The following EXOC4 variants were observed in gnomAD, a reference collection of about 807,000 sequenced individuals.
EXOC4 encodes the protein SEC8-like 1.
A neutral mutation model predicts 107.2 loss-of-function variants in EXOC4; 71 were observed. That is an observed-to-expected ratio of 0.66 (90% CI 0.55 to 0.81). The LOEUF (loss-of-function observed/expected upper bound fraction) is 0.81. Ranked by LOEUF, EXOC4 falls within the 30% of genes least tolerant of loss-of-function variation. The pLI is 0.00. For synonymous variants in EXOC4, 456 were observed against 441.2 expected, an observed-to-expected ratio of 1.03 and a Z score of -0.42; for missense variants, 1,108 against 1,189.6, an observed-to-expected ratio of 0.93 and a Z score of 1.01.
chr7:133,520,835 G>A (rs1242420045), intron 9 of EXOC4, among the ~76,000 whole-genome samples: 1 of 151,898 alleles, frequency 6.6e-6, no homozygotes, highest in Non-Finnish European at 1.5e-5. Context: ...CAACAGCTCA[G>A]TAAAAGAGTG....
intron 10 of EXOC4, among the ~76,000 whole-genome samples, chr7:133,713,007 A>G (rs1164212683): frequency 6.6e-6 from 1 of 152,250 alleles, no homozygotes; most frequent in Admixed American, 6.5e-5. Flanking sequence ...CTTTGGAGTG[A>G]CGGAAATGTT....
intron 10 of EXOC4, among the ~76,000 whole-genome samples, chr7:133,782,215 G>A (rs1344947798): frequency 1.3e-5 from 2 of 152,166 alleles, no homozygotes; most frequent in Non-Finnish European, 2.9e-5. Context: ...ATTAGGAAAT[G>A]TTGTATTTAT....
In EXOC4 at chr7:133,942,578, G is replaced by A. The variant is rs372717910; in HGVS notation, c.2206+4509G>A. ...CTAACTCAGTCATTTTGCATATGAGGAAATTAAGGTCTCAGGGTGGTTATA... is the reference window on the plus strand; with the variant it reads ...CTAACTCAGTCATTTTGCATATGAGAAAATTAAGGTCTCAGGGTGGTTATA... On this transcript the variant is annotated intron_variant, in intron 14 of 17. Transcript: ENST00000253861. 2.1e-3 allele frequency among the ~76,000 whole-genome samples: 316 copies of A among 152,204 alleles called. 2 individuals carry two copies. The highest frequency in any genetic ancestry group is 7.5e-3 in the African/African-American group (310 of 41,542).
chr7:133,418,788 C>CT lies in EXOC4; in HGVS notation c.1182+43787dup, dbSNP rs1190906063. Among the ~76,000 whole-genome samples the CT allele has an allele frequency of 3.3e-5, 5 of 152,306 alleles. 1 individual carries two copies. Among genetic ancestry groups the CT allele is most frequent in the Admixed American group, 3.3e-4 (5 of 15,296 alleles). On this transcript the variant is annotated intron_variant, in intron 7 of 17. Coordinates refer to ENST00000253861, the MANE Select transcript of EXOC4 (RefSeq NM_021807.4). ...TATAAGATGAATTGGTGCATATCCTCTGACGCTGGGAGACCATTGTAATTG... is the reference window on the plus strand; with the variant it reads ...TATAAGATGAATTGGTGCATATCCTCTTGACGCTGGGAGACCATTGTAATTG...
intron 1 of EXOC4, among the ~76,000 whole-genome samples, chr7:133,271,153 T>C (rs752171675): frequency 6.6e-6 from 1 of 151,956 alleles, no homozygotes; most frequent in Non-Finnish European, 1.5e-5. Flanking sequence ...CTCCTGACCT[T>C]GTGATCTGCC....
intron 10 of EXOC4, among the ~76,000 whole-genome samples, chr7:133,637,637 GA>G (rs960139673): frequency 6.6e-6 from 1 of 152,090 alleles, no homozygotes; most frequent in Non-Finnish European, 1.5e-5. Context: ...TCAGAATTAT[GA>G]AAAAATATTG....
chr7:133,701,450 T>C (rs1480640559), intron 10 of EXOC4, among the ~76,000 whole-genome samples: 3 of 152,196 alleles, frequency 2.0e-5, no homozygotes, highest in Non-Finnish European at 2.9e-5. Flanking sequence ...GGCCTTGTTA[T>C]GCTGGTTGTT....
At chr7:133,317,645 C>G (rs1426020608) in intron 5 of EXOC4, among the ~76,000 whole-genome samples, 4 of 152,142 alleles carry the variant, frequency 2.6e-5, no homozygotes, top group Admixed American at 2.6e-4. Flanking sequence ...CCAGCTGCAT[C>G]TGTGTTTTGT....
chr7:133,971,570 T>G (rs1387516117), intron 14 of EXOC4, among the ~76,000 whole-genome samples: 1 of 151,952 alleles, frequency 6.6e-6, no homozygotes, highest in African/African-American at 2.4e-5. Flanking sequence ...TGAATTTTCT[T>G]AAGGCAGGAT....
At chr7:133,411,853 G>A (rs997823550) in intron 7 of EXOC4, among the ~76,000 whole-genome samples, 1 of 152,124 alleles carries the variant, frequency 6.6e-6, no homozygotes, top group African/African-American at 2.4e-5. Context: ...CTGTGTCATA[G>A]TGTCAAGTGG....
intron 9 of EXOC4, chr7:133,576,773 GC>G (rs1366626440): frequency 7.8e-7 from 1 of 1,289,328 alleles, no homozygotes; most frequent in African/African-American, 1.5e-5. Flanking sequence ...TAACTGTGAG[GC>G]TTTTACACCC....
intron 13 of EXOC4, among the ~76,000 whole-genome samples, chr7:133,934,621 C>A (rs1187472570): frequency 3.3e-5 from 5 of 152,110 alleles, no homozygotes; most frequent in Non-Finnish European, 1.5e-5. Context: ...TCGCATTCCA[C>A]CTAGGGCTAC....
chr7:133,430,536 G>C (rs1314084613), intron 7 of EXOC4, among the ~76,000 whole-genome samples: 1 of 152,056 alleles, frequency 6.6e-6, no homozygotes, highest in East Asian at 1.9e-4. Flanking sequence ...CATCTGGGTT[G>C]ATTCCATATT....
intron 12 of EXOC4, among the ~76,000 whole-genome samples, chr7:133,915,133 T>C (rs1316155014): frequency 6.6e-6 from 1 of 152,194 alleles, no homozygotes; most frequent in East Asian, 1.9e-4. Flanking sequence ...ATTTCATGAA[T>C]GAGAGGTGAG....
At chr7:133,454,017 C>A (rs1043787499) in intron 7 of EXOC4, among the ~76,000 whole-genome samples, 1 of 152,130 alleles carries the variant, frequency 6.6e-6, no homozygotes, top group Non-Finnish European at 1.5e-5. Flanking sequence ...ATAATTTTAA[C>A]AGCACTGGCA....
chr7:133,854,470 T>A, intron 11 of EXOC4, among the ~76,000 whole-genome samples: 1 of 150,662 alleles, frequency 6.6e-6, no homozygotes, highest in African/African-American at 2.4e-5. Flanking sequence ...ATCCTGTGCT[T>A]CACATGCTGT....
chr7:133,686,569 C>A (rs28670717), intron 10 of EXOC4, among the ~76,000 whole-genome samples: 2,728 of 152,200 alleles, frequency 0.018, 74 homozygotes, highest in African/African-American at 0.062. Context: ...AGGACATGGA[C>A]AGTTCTCAAA....
At chr7:133,694,437 T>C (rs1794488803) in intron 10 of EXOC4, among the ~76,000 whole-genome samples, 1 of 152,158 alleles carries the variant, frequency 6.6e-6, no homozygotes, top group African/African-American at 2.4e-5. Flanking sequence ...GTGACTTATT[T>C]CAAGAATTAC....
chr7:133,658,704 G>C (rs1217250416), intron 10 of EXOC4, among the ~76,000 whole-genome samples: 1 of 152,174 alleles, frequency 6.6e-6, no homozygotes, highest in Non-Finnish European at 1.5e-5. Flanking sequence ...GGGTGGATGT[G>C]TGATCAACTG....
Sources: allele counts gnomAD v4.1 joint callset (sites outside exome capture counted in the v4.1 genomes callset), GRCh38; gene constraint gnomAD v4.1.1; transcripts MANE v1.5; gene names NCBI Gene and HGNC (gene_info 2026-07-23, HGNC 2026-07-21).